PEG3: variants seen among roughly 807,000 people sequenced by gnomAD.
The protein encoded by PEG3 is paternally expressed 3.
In PEG3, 23 loss-of-function variants were observed where a neutral mutation model predicts 35.5. That is an observed-to-expected ratio of 0.65 (90% CI 0.47 to 0.92). PEG3 has a LOEUF of 0.92. Ranked by LOEUF, PEG3 falls within the 40% of genes least tolerant of loss-of-function variation. The pLI is 0.00. For synonymous variants in PEG3, 707 were observed against 697.0 expected, an observed-to-expected ratio of 1.01 and a Z score of -0.23; for missense variants, 1,960 against 1,985.3, an observed-to-expected ratio of 0.99 and a Z score of 0.24.
At chr19:56,830,492 T>C (rs920595491) in intron 2 of PEG3, among the ~76,000 whole-genome samples, 3 of 152,184 alleles carry the variant, frequency 2.0e-5, no homozygotes, top group Admixed American at 6.5e-5. Context: ...CAAACAAGCA[T>C]GTTATTAAAC....
chr19:56,817,543 T>G lies in PEG3; in HGVS notation c.899A>C (p.His300Pro). ...KTMPEAKKSTHRRGICEDESS... is the reference protein window; with the variant it reads ...KTMPEAKKSTPRRGICEDESS... ...TTCATCTTCACAAATCCCCCGCCGG[T>G]GGGTTGATTTTTTGGCTTCAGGCAT... is the stretch of plus-strand genomic sequence containing the variant. Residue 300 changes from histidine (H) to proline (P), a missense_variant, in exon 10 of 10, where the codon CAC becomes CCC. His to Pro is a moderately conservative substitution (Grantham distance 77). Transcript: ENST00000326441. 1 of 1,598,238 alleles carries G rather than the reference T, an allele frequency of 6.3e-7. No homozygotes were observed. Among genetic ancestry groups the G allele is most frequent in the Non-Finnish European group, 8.5e-7 (1 of 1,171,246 alleles).
At chr19:56,838,895 GC>G (rs2062567130) in intron 1 of PEG3, among the ~76,000 whole-genome samples, 1 of 152,124 alleles carries the variant, frequency 6.6e-6, no homozygotes, top group Admixed American at 6.5e-5. Context: ...AACCGCAGCC[GC>G]CCCGATCAAA....
At chr19:56,840,014 A>G (rs1332471918) in intron 1 of PEG3, among the ~76,000 whole-genome samples, 2 of 152,062 alleles carry the variant, frequency 1.3e-5, no homozygotes, top group Non-Finnish European at 2.9e-5. Flanking sequence ...TCCCACCACC[A>G]CTGCGGCAAA....
chr19:56,835,508 T>C (rs2062002360), intron 2 of PEG3, among the ~76,000 whole-genome samples: 1 of 152,198 alleles, frequency 6.6e-6, no homozygotes, highest in Admixed American at 6.5e-5. Flanking sequence ...TAATGTTCTT[T>C]ACCATCTCAG....
chr19:56,821,796 C>A, intron 6 of PEG3, 42 bp from the exon 7 acceptor site: 1 of 1,606,996 alleles, frequency 6.2e-7, no homozygotes, highest in South Asian at 1.1e-5. Context: ...GGGCCCAGTC[C>A]ATCCTGCAGG....
At chr19:56,838,829 A>G (rs758752) in intron 1 of PEG3, among the ~76,000 whole-genome samples, 121,291 of 152,190 alleles carry the variant, frequency 0.8, 48,499 homozygotes, top group South Asian at 0.84. Flanking sequence ...AAGGCAGGCA[A>G]GCACAGCAAC....
chr19:56,814,311 A>G lies in PEG3; in HGVS notation c.4131T>C (p.Asn1377=), dbSNP rs2059772052. 1.1e-5 allele frequency: 17 copies of G among 1,614,048 alleles called. No homozygotes were observed. Among genetic ancestry groups the G allele is most frequent in the Non-Finnish European group, 1.4e-5 (17 of 1,180,028 alleles). Residue 1377 remains asparagine, a synonymous_variant, in exon 10 of 10, where the codon AAT becomes AAC. Coordinates refer to ENST00000326441, the MANE Select transcript of PEG3 (RefSeq NM_006210.3). This position sits in a 1 kb window ranked among gnomAD's most constrained non-coding sequence, Gnocchi z 5.8. The stretch of plus-strand genomic sequence containing the variant: ...TCAGAACTACTTGTGGAACATGGAC[A>G]TTGGCTTCAACTTCCTGGGCTGCTG... ...AAAAAQEVEA[N]VHVPQVVLRI...
chr19:56,817,842 G>A lies in PEG3; in HGVS notation c.773-7C>T, dbSNP rs759140620. On this transcript the variant is annotated splice_region_variant and splice_polypyrimidine_tract_variant and intron_variant, in intron 8 of 9. Coordinates refer to ENST00000326441, the MANE Select transcript of PEG3 (RefSeq NM_006210.3). ...TCGTCTTCAGCAAGCTGCACTCCTG[G>A]TCACAAGGACAATATGATGCCTCAA... is the stretch of plus-strand genomic sequence containing the variant. 1.2e-6 allele frequency: 2 copies of A among 1,612,138 alleles called. No homozygotes were observed. The highest frequency in any genetic ancestry group is 2.7e-5 in the African/African-American group (2 of 74,870).
At position 56,813,381 on chromosome 19, in the gene PEG3, A is replaced by C. The variant is rs1176081260; in HGVS notation, c.*294T>G. ...AGTGTCATTTACAGTTGATTTGGGC[A>C]AACTCTGTAGTCTGGAATACTCATA... On this transcript the variant is annotated 3_prime_UTR_variant, in exon 10 of 10. Coordinates refer to ENST00000326441, the MANE Select transcript of PEG3 (RefSeq NM_006210.3). 16 of 1,186,432 alleles carry C rather than the reference A, an allele frequency of 1.3e-5. No individual in the cohort carries two copies. The highest frequency in any genetic ancestry group is 1.5e-5 in the African/African-American group (1 of 65,404). 73.5% of individuals were successfully genotyped at this position (1,186,432 alleles called of 1,614,324 possible).
At chr19:56,825,466 T>C (rs951834466) in intron 3 of PEG3, among the ~76,000 whole-genome samples, 2 of 152,246 alleles carry the variant, frequency 1.3e-5, no homozygotes, top group Admixed American at 1.3e-4. Flanking sequence ...ACTGTTTCTT[T>C]ACTTAGTTCA....
At chr19:56,830,967 T>C (rs2061516617) in intron 2 of PEG3, among the ~76,000 whole-genome samples, 1 of 147,962 alleles carries the variant, frequency 6.8e-6, no homozygotes, top group East Asian at 1.9e-4. Context: ...TAAAATAAAA[T>C]AAATGACAGA....
chr19:56,815,303 T>C lies in PEG3; in HGVS notation c.3139A>G (p.Asn1047Asp). 6.2e-7 allele frequency: 1 copy of C among 1,614,266 alleles called. No homozygotes were observed. The highest frequency in any genetic ancestry group is 1.1e-5 in the South Asian group (1 of 91,090). ...RQFFATSEDL[N>D]TNQKIYDQEK... ...TGGTCATAGATTTTCTGGTTTGTGTTGAGGTCTTCGCTGGTAGCAAAAAAT... is the reference window on the plus strand; with the variant it reads ...TGGTCATAGATTTTCTGGTTTGTGTCGAGGTCTTCGCTGGTAGCAAAAAAT... The change falls in exon 10 of 10, where the codon AAC becomes GAC. Residue 1047 changes from asparagine to aspartate, a missense_variant. This residue lies in a region of PEG3 where 798 missense variants were observed against 782.4 expected (regional missense o/e 1.02). Coordinates refer to ENST00000326441, the MANE Select transcript of PEG3 (RefSeq NM_006210.3).
intron 1 of PEG3, among the ~76,000 whole-genome samples, chr19:56,837,370 C>T (rs1235805642): frequency 6.6e-6 from 1 of 152,156 alleles, no homozygotes; most frequent in Admixed American, 6.5e-5. Context: ...AGTGAAAATC[C>T]TTCACCAACA....
rs35947541 is a variant in PEG3, at chr19:56,816,052, C to G, written c.2390G>C (p.Ser797Thr). 2.5e-6 allele frequency: 4 copies of G among 1,598,618 alleles called. No homozygotes were observed. The highest frequency in any genetic ancestry group is 1.7e-5 in the Admixed American group (1 of 58,146). The change falls in exon 10 of 10, where the codon AGT (serine) becomes ACT (threonine). Residue 797 changes from serine (S) to threonine (T), a missense_variant. Around this residue, in one of 5 missense-constraint regions of PEG3, gnomAD observed 798 missense variants for 782.4 expected, o/e 1.02. Transcript: ENST00000326441. The stretch of plus-strand genomic sequence containing the variant: ...AGACTCTGCCATTACTTTTGGTTTA[C>G]TGGGCCCTGCTACACTGTGACTTTT... ...AQKSHSVAGP[S>T]KPKVMAESTI... is the part of the protein sequence containing the mutation.
intron 6 of PEG3, 89 bp downstream of exon 6, chr19:56,822,643 TACTCCAAATGGAGCAGCAGAA>T: frequency 6.9e-7 from 1 of 1,449,462 alleles, no homozygotes; most frequent in Non-Finnish European, 9.4e-7. Flanking sequence ...AAGCGGAATA[TACTCCAAATGGAGCAGCAGAA>T]ACTTCGAGGC....
chr19:56,832,821 C>T (rs930181918), intron 2 of PEG3, among the ~76,000 whole-genome samples: 1 of 152,182 alleles, frequency 6.6e-6, no homozygotes, highest in Non-Finnish European at 1.5e-5. Flanking sequence ...TCTCTGTATA[C>T]AGAACAAGCC....
intron 2 of PEG3, among the ~76,000 whole-genome samples, chr19:56,830,275 G>A (rs924678777): frequency 2.0e-5 from 3 of 152,226 alleles, no homozygotes; most frequent in African/African-American, 7.2e-5. Flanking sequence ...AATAGCCCAT[G>A]ATCTTGAAAG....
At position 56,821,740 on chromosome 19, in the gene PEG3, C is replaced by G; in HGVS notation, c.580G>C (p.Asp194His). Residue 194 changes from aspartate to histidine, a missense_variant, in exon 7 of 10, where the codon GAT becomes CAT. Around this residue, in one of 5 missense-constraint regions of PEG3, gnomAD observed 613 missense variants for 577.1 expected, o/e 1.06. Coordinates refer to ENST00000326441, the MANE Select transcript of PEG3 (RefSeq NM_006210.3). The part of the protein sequence containing the change: ...RNPRSRMPPR[D>H]LSLPVVAKTS... ...TTCGCCACCACAGGAAGGGAAAGAT[C>G]CCGCGGAGGCATCCCTGGGAAGAAA... 6.2e-7 allele frequency: 1 copy of G among 1,613,960 alleles called. No individual in the cohort carries two copies. Among genetic ancestry groups the G allele is most frequent in the Non-Finnish European group, 8.5e-7 (1 of 1,180,024 alleles).
chr19:56,832,373 G>A (rs1332370794), intron 2 of PEG3, among the ~76,000 whole-genome samples: 1 of 151,906 alleles, frequency 6.6e-6, no homozygotes, highest in African/African-American at 2.4e-5. Flanking sequence ...TCCAGTGACT[G>A]TACCACAGAG....
Sources: gnomAD v4.1 joint callset for allele counts (sites outside exome capture counted in the v4.1 genomes callset) on GRCh38, gnomAD v4.1.1 for gene constraint, gnomAD v4.1.1 regional missense constraint, Gnocchi (gnomAD v3.1) non-coding constraint, MANE v1.5 for transcripts, NCBI Gene and HGNC (gene_info 2026-07-23, HGNC 2026-07-21) for gene names.